Variants in CC2D2B observed in about 807,000 individuals in gnomAD.
CC2D2B encodes the protein protein CC2D2B.
A neutral mutation model predicts 161.2 loss-of-function variants in CC2D2B; 128 were observed. That is an observed-to-expected ratio of 0.79 (90% CI 0.69 to 0.92). The LOEUF is 0.92. CC2D2B is among the 40% of genes least tolerant of loss of function. CC2D2B has a pLI of 0.00. For synonymous variants in CC2D2B, 391 were observed against 449.8 expected (o/e 0.87, Z 1.65); for missense variants, 1,173 against 1,375.1 (o/e 0.85, Z 2.32).
rs764865147 is a variant in CC2D2B at position 96,031,975 on chromosome 10, G to T, written c.4281G>T (p.Trp1427Cys). 3 of 1,613,362 alleles carry T rather than the reference G, an allele frequency of 1.9e-6. No homozygotes were observed. The Admixed American group carries it at 5.0e-5, about 27-fold the overall frequency. ...ACCCAAACAACATATTATCTGTGTG[G>T]GTCTATTTGGCTTCCTTAGTTCAAC... ...HPYPNNILSVWVYLASLVQHQ is the reference protein window; with the variant it reads ...HPYPNNILSVCVYLASLVQHQ Residue 1427 changes from tryptophan to cysteine, a missense_variant, in exon 35 of 35, where the codon TGG (tryptophan) becomes TGT (cysteine). Trp to Cys is a radical substitution (Grantham distance 215, BLOSUM62 -2). Around this residue, in one of 3 missense-constraint regions of CC2D2B, gnomAD observed 598 missense variants for 693.2 expected, o/e 0.86. Coordinates refer to ENST00000646931, the MANE Select transcript of CC2D2B (RefSeq NM_001349008.3).
At chr10:95,948,351 G>A (rs1008893166) in intron 9 of CC2D2B, among the ~76,000 whole-genome samples, 15 of 99,470 alleles carry the variant, frequency 1.5e-4, no homozygotes, top group African/African-American at 4.4e-4. Flanking sequence ...AAATAATGCC[G>A]CATATCTACA....
At position 95,922,090 on chromosome 10, in the gene CC2D2B, A is replaced by G; in HGVS notation, c.97+14A>G. The stretch of plus-strand genomic sequence containing the variant: ...ATCTCCAAAAAGGTTCTCAATAAGT[A>G]TACCATAACTCTGATACTCTTCATT... On this transcript the variant is annotated intron_variant, in intron 3 of 34. Transcript: ENST00000646931. 1 of 1,360,080 alleles carries G rather than the reference A, an allele frequency of 7.4e-7. No individual in the cohort carries two copies. The highest frequency in any genetic ancestry group is 1.3e-5 in the South Asian group (1 of 78,048). 84.3% of individuals were successfully genotyped at this position (1,360,080 alleles called of 1,614,324 possible).
At chr10:96,029,243 T>C (rs1194330087) in intron 34 of CC2D2B, among the ~76,000 whole-genome samples, 1 of 8,570 alleles carries the variant, frequency 1.2e-4, no homozygotes. Context: ...TCATGTACCA[T>C]ATATATATAT....
chr10:95,994,263 G>C (rs2078140553), intron 22 of CC2D2B, among the ~76,000 whole-genome samples: 1 of 151,764 alleles, frequency 6.6e-6, no homozygotes, highest in Admixed American at 6.6e-5. Context: ...CATGGGACAG[G>C]GGGCCCTTCC....
At chr10:95,939,207 A>T (rs1401982691) in intron 9 of CC2D2B, among the ~76,000 whole-genome samples, 1 of 152,168 alleles carries the variant, frequency 6.6e-6, no homozygotes, top group Non-Finnish European at 1.5e-5. Flanking sequence ...ATGATACTCA[A>T]GGTAGCCACT....
At position 95,996,169 on chromosome 10, in the gene CC2D2B, T is replaced by C; in HGVS notation, c.2766T>C (p.Val922=). 1 of 1,506,132 alleles carries C rather than the reference T, an allele frequency of 6.6e-7. No homozygotes were observed. The highest frequency in any genetic ancestry group is 2.5e-5 in the East Asian group (1 of 40,520). 93.3% of individuals were successfully genotyped at this position (1,506,132 alleles called of 1,614,324 possible). Residue 922 remains valine (V), a synonymous_variant, in exon 24 of 35, where the codon GTT becomes GTC. Transcript: ENST00000646931. ...ATACTGTACATCCATTCGTGGAAGT[T>C]TCTTTCCAGCACACTGTATACAAAA... ...HEDTVHPFVE[V]SFQHTVYKTN...
At chr10:96,029,274 A>ATG (rs1329373718) in intron 34 of CC2D2B, among the ~76,000 whole-genome samples, 4 of 65,222 alleles carry the variant, frequency 6.1e-5, no homozygotes, top group Admixed American at 3.3e-4. Context: ...ATATATATAT[A>ATG]TATATATATA....
At chr10:96,001,144 C>G (rs1416905329) in intron 24 of CC2D2B, among the ~76,000 whole-genome samples, 2 of 151,966 alleles carry the variant, frequency 1.3e-5, no homozygotes, top group African/African-American at 4.8e-5. Flanking sequence ...ACACACAGAC[C>G]CAGTAAAATG....
intron 2 of CC2D2B, among the ~76,000 whole-genome samples, chr10:95,918,247 G>C (rs552978776): frequency 6.6e-6 from 1 of 152,276 alleles, no homozygotes; most frequent in Admixed American, 6.5e-5. Flanking sequence ...GCTCATTAAT[G>C]TCCTTTTCTT....
At chr10:96,025,105 T>C (rs1396951403) in intron 33 of CC2D2B, among the ~76,000 whole-genome samples, 194 bp downstream of exon 33, 5 of 141,344 alleles carry the variant, frequency 3.5e-5, no homozygotes, top group Admixed American at 7.3e-5. Flanking sequence ...GCCCAGGAGT[T>C]TGAGACCAGC....
chr10:96,027,652 T>C (rs2079839505), intron 34 of CC2D2B, among the ~76,000 whole-genome samples: 1 of 152,160 alleles, frequency 6.6e-6, no homozygotes, highest in Admixed American at 6.5e-5. Context: ...CTAAAATTTA[T>C]GTGGAACCAC....
At chr10:95,957,055 T>G (rs1014904455) in intron 11 of CC2D2B, among the ~76,000 whole-genome samples, 2 of 152,096 alleles carry the variant, frequency 1.3e-5, no homozygotes, top group Non-Finnish European at 2.9e-5. Flanking sequence ...TTAATTTTGG[T>G]CAATGTCAGC....
intron 2 of CC2D2B, among the ~76,000 whole-genome samples, chr10:95,915,905 T>C (rs567625067): frequency 1.2e-4 from 19 of 152,206 alleles, no homozygotes; most frequent in Non-Finnish European, 2.6e-4. Flanking sequence ...ATCAGGGTAA[T>C]ATTGGCCTTG....
At chr10:95,926,815 AGTGT>A (rs71486778) in intron 5 of CC2D2B, among the ~76,000 whole-genome samples, 1,763 of 134,984 alleles carry the variant, frequency 0.013, 41 homozygotes, top group African/African-American at 0.037. Context: ...CTGAGGTGGC[AGTGT>A]GTGTGTGTGT....
chr10:95,932,516 G>A lies in CC2D2B; in HGVS notation c.336+5184G>A, dbSNP rs1408457325. On this transcript the variant is annotated intron_variant, in intron 6 of 34. Transcript: ENST00000646931. ...TTGGTATGTTTTTGCAGTGGCTGAT[G>A]CTGGTTTTTCCTTTCCATATTTAGT... 3.9e-5 allele frequency among the ~76,000 whole-genome samples: 6 copies of A among 152,244 alleles called. No homozygotes were observed. The South Asian group carries it at 6.2e-4, about 16-fold the overall frequency.
intron 10 of CC2D2B, 150 bp from the exon 11 acceptor site, chr10:95,955,244 A>T: frequency 2.6e-6 from 1 of 389,334 alleles, no homozygotes; most frequent in Non-Finnish European, 4.5e-6. Flanking sequence ...CAAGGTGCTT[A>T]TATAAAATAT....
intron 11 of CC2D2B, among the ~76,000 whole-genome samples, chr10:95,959,455 T>C (rs1044562002): frequency 2.6e-5 from 4 of 152,194 alleles, no homozygotes; most frequent in Non-Finnish European, 4.4e-5. Flanking sequence ...ATAACTACTA[T>C]TCTTCACAAA....
At chr10:95,993,664 A>G (rs999645201) in intron 22 of CC2D2B, among the ~76,000 whole-genome samples, 30 of 150,664 alleles carry the variant, frequency 2.0e-4, no homozygotes, top group Non-Finnish European at 3.8e-4. Context: ...ACCATTTTCT[A>G]TAAGCATCAT....
intron 2 of CC2D2B, chr10:95,918,928 T>C (rs1189306872): frequency 6.6e-6 from 1 of 152,184 alleles, no homozygotes. Flanking sequence ...ATTTTTTCAA[T>C]TGATTTTTTC....
Sources: gnomAD v4.1 joint callset for allele counts (sites outside exome capture counted in the v4.1 genomes callset) on GRCh38, gnomAD v4.1.1 for gene constraint, gnomAD v4.1.1 regional missense constraint, MANE v1.5 for transcripts, NCBI Gene and HGNC (gene_info 2026-07-23, HGNC 2026-07-21) for gene names.